The following UNC5C variants were observed in gnomAD, a reference collection of about 807,000 sequenced individuals.
The protein encoded by UNC5C is netrin receptor UNC5C.
A neutral mutation model predicts 99.8 loss-of-function variants in UNC5C; 47 were observed. The observed-to-expected ratio is 0.47, with a 90% confidence interval of 0.37 to 0.60. UNC5C has a LOEUF of 0.60. Ranked by LOEUF, UNC5C falls within the 20% of genes least tolerant of loss-of-function variation. UNC5C has a pLI of 0.00. For synonymous variants in UNC5C, 487 were observed against 452.2 expected (o/e 1.08, Z -0.98); for missense variants, 1,062 against 1,165.9 (o/e 0.91, Z 1.30).
intron 1 of UNC5C, among the ~76,000 whole-genome samples, 162 bp downstream of exon 1, chr4:95,548,572 A>T (rs543318123): frequency 9.9e-4 from 151 of 151,874 alleles, no homozygotes; most frequent in African/African-American, 3.4e-3. Context: ...TTATTATTAT[A>T]ATCAAAGCTT....
intron 7 of UNC5C, chr4:95,222,198 C>T: frequency 6.7e-7 from 1 of 1,490,156 alleles, no homozygotes; most frequent in Non-Finnish European, 8.9e-7. Context: ...AAAATCCAAA[C>T]ATCAAACTTA....
At chr4:95,305,318 C>T (rs1742023164) in intron 2 of UNC5C, among the ~76,000 whole-genome samples, 1 of 152,146 alleles carries the variant, frequency 6.6e-6, no homozygotes, top group Admixed American at 6.6e-5. Flanking sequence ...ATTTTCATAA[C>T]CATAGGTAAG....
chr4:95,520,573 A>G (rs577767662), intron 1 of UNC5C, among the ~76,000 whole-genome samples: 1 of 148,632 alleles, frequency 6.7e-6, no homozygotes, highest in Non-Finnish European at 1.5e-5. Flanking sequence ...TTTAAAAACC[A>G]TTTTTCAGAA....
intron 9 of UNC5C, among the ~76,000 whole-genome samples, chr4:95,218,389 G>T (rs1738338340): frequency 6.6e-6 from 1 of 152,160 alleles, no homozygotes; most frequent in Non-Finnish European, 1.5e-5. Flanking sequence ...CCAAGTAATA[G>T]TACAAAAGCA....
At chr4:95,542,358 T>C (rs563068716) in intron 1 of UNC5C, among the ~76,000 whole-genome samples, 2 of 152,324 alleles carry the variant, frequency 1.3e-5, no homozygotes, top group East Asian at 3.9e-4. Flanking sequence ...TACTTCACTT[T>C]TGCCACACAA....
At chr4:95,250,118 G>C (rs1408025608) in intron 5 of UNC5C, among the ~76,000 whole-genome samples, 1 of 152,122 alleles carries the variant, frequency 6.6e-6, no homozygotes, top group African/African-American at 2.4e-5. Context: ...GACTGAGAAA[G>C]GGCTGAGGTT....
intron 2 of UNC5C, among the ~76,000 whole-genome samples, chr4:95,304,387 A>C (rs752610902): frequency 7.5e-4 from 114 of 152,198 alleles, no homozygotes; most frequent in Non-Finnish European, 1.3e-3. Context: ...CTAATGTAAC[A>C]ATCCTCTCAG....
intron 1 of UNC5C, among the ~76,000 whole-genome samples, chr4:95,531,187 TC>T: frequency 6.6e-6 from 1 of 152,350 alleles, no homozygotes; most frequent in South Asian, 2.1e-4. Flanking sequence ...AAGACTGTTT[TC>T]AAGCCAGTTT....
At chr4:95,277,913 G>A (rs983319688) in intron 4 of UNC5C, among the ~76,000 whole-genome samples, 12 of 152,044 alleles carry the variant, frequency 7.9e-5, no homozygotes, top group Non-Finnish European at 7.4e-5. Flanking sequence ...CACATTTTTC[G>A]CATATCAGCA....
At chr4:95,278,227 A>G in intron 4 of UNC5C, 32 bp downstream of exon 4, 1 of 1,567,464 alleles carries the variant, frequency 6.4e-7, no homozygotes, top group Non-Finnish European at 8.8e-7. Flanking sequence ...CTTAGTGCCA[A>G]TTGCTAAATG....
intron 1 of UNC5C, among the ~76,000 whole-genome samples, chr4:95,395,426 A>C (rs1560817837): frequency 6.6e-6 from 1 of 152,190 alleles, no homozygotes. Context: ...AATTAGAACA[A>C]AGTCCCTTTA....
chr4:95,215,493 T>A (rs1409796892), intron 10 of UNC5C, among the ~76,000 whole-genome samples: 2 of 152,050 alleles, frequency 1.3e-5, no homozygotes, highest in Non-Finnish European at 2.9e-5. Context: ...TGCCTCTTGT[T>A]ATTTTTACTT....
chr4:95,363,888 T>C (rs1309788476), intron 1 of UNC5C, among the ~76,000 whole-genome samples: 4 of 152,162 alleles, frequency 2.6e-5, no homozygotes, highest in Non-Finnish European at 4.4e-5. Context: ...TGGCCTACCA[T>C]ACGTAGATGC....
chr4:95,329,666 C>CCTT (rs1272917121), intron 2 of UNC5C, among the ~76,000 whole-genome samples: 1 of 152,094 alleles, frequency 6.6e-6, no homozygotes, highest in East Asian at 1.9e-4. Flanking sequence ...CTGATCTTTT[C>CCTT]CTTAAATATA....
chr4:95,432,365 TA>T (rs544963723), intron 1 of UNC5C, among the ~76,000 whole-genome samples: 89 of 152,244 alleles, frequency 5.8e-4, no homozygotes, highest in African/African-American at 2.1e-3. Context: ...AGTTCCTCTG[TA>T]AAAACCTAAG....
intron 7 of UNC5C, among the ~76,000 whole-genome samples, chr4:95,226,312 CT>C (rs1738687304): frequency 6.6e-6 from 1 of 152,164 alleles, no homozygotes; most frequent in African/African-American, 2.4e-5. Context: ...AACTACTTCA[CT>C]TTTCTAAGTA....
At chr4:95,520,101 G>T (rs1722311162) in intron 1 of UNC5C, among the ~76,000 whole-genome samples, 1 of 152,072 alleles carries the variant, frequency 6.6e-6, no homozygotes, top group African/African-American at 2.4e-5. Flanking sequence ...GCTCCAAAAA[G>T]GTAAAATGAC....
chr4:95,499,260 T>G (rs371772546), intron 1 of UNC5C, among the ~76,000 whole-genome samples: 8 of 152,224 alleles, frequency 5.3e-5, no homozygotes, highest in East Asian at 3.9e-4. Flanking sequence ...CTTAGGCAAC[T>G]GCAGACCTGG....
At chr4:95,434,340 T>G (rs1746715413) in intron 1 of UNC5C, among the ~76,000 whole-genome samples, 1 of 152,218 alleles carries the variant, frequency 6.6e-6, no homozygotes, top group Admixed American at 6.5e-5. Context: ...GATCCAATGC[T>G]TATTCATTCA....
Sources: gnomAD v4.1 joint callset for allele counts (sites outside exome capture counted in the v4.1 genomes callset) on GRCh38, gnomAD v4.1.1 for gene constraint, MANE v1.5 for transcripts, NCBI Gene and HGNC (gene_info 2026-07-23, HGNC 2026-07-21) for gene names.